Variants in CEP170B observed in about 807,000 individuals in gnomAD.
CEP170B encodes the protein centrosomal protein 170B.
Under a neutral mutation model 120.6 loss-of-function variants are expected in CEP170B, and 55 were observed. That is an observed-to-expected ratio of 0.46 (90% CI 0.37 to 0.57). CEP170B has a LOEUF of 0.57. CEP170B is among the 20% of genes least tolerant of loss of function. The pLI is 0.00. For synonymous variants in CEP170B, 1,033 were observed against 954.5 expected, an observed-to-expected ratio of 1.08 and a Z score of -1.52; for missense variants, 2,212 against 2,253.3, an observed-to-expected ratio of 0.98 and a Z score of 0.37.
At chr14:104,882,386 C>T (rs539631632) in intron 6 of CEP170B, among the ~76,000 whole-genome samples, 15 of 152,134 alleles carry the variant, frequency 9.9e-5, no homozygotes, top group East Asian at 3.9e-4. Context: ...GGTTGCAGGA[C>T]GGAGGTGGGG....
At chr14:104,893,482 C>A (rs752720350) in intron 14 of CEP170B, 41 bp from the exon 15 acceptor site, 1 of 1,575,398 alleles carries the variant, frequency 6.3e-7, no homozygotes, top group East Asian at 2.3e-5. Flanking sequence ...CTGGCAGGAG[C>A]CTCTGCCTGG....
Position 104,870,200 on chromosome 14 carries a change from G to T in CEP170B, c.105+1645G>T, listed in dbSNP as rs1007095346. Among the ~76,000 whole-genome samples, 2 of 152,232 alleles carry T rather than the reference G, an allele frequency of 1.3e-5. No individual in the cohort carries two copies. The highest frequency in any genetic ancestry group is 6.5e-5 in the Admixed American group (1 of 15,284). On this transcript the variant is annotated intron_variant, in intron 2 of 18. Transcript: ENST00000414716. This position sits in a 1 kb window ranked among gnomAD's most constrained non-coding sequence, Gnocchi z 4.1. The stretch of plus-strand genomic sequence containing the variant: ...CCGTGGTGAGGGGCAGCCAGGGAGC[G>T]AGCGTGGGCGACCGAGGTGGGCGCG...
chr14:104,872,234 C>CGTGTGTGCGT (rs1895543196), intron 2 of CEP170B, among the ~76,000 whole-genome samples: 1 of 103,992 alleles, frequency 9.6e-6, no homozygotes, highest in African/African-American at 3.9e-5. Context: ...GTGTGCCGTG[C>CGTGTGTGCGT]GTGTGTGCGT....
rs1348548561 is a variant in CEP170B, at chr14:104,891,366, GTGTT to G, written c.3879-1605_3879-1602del. The stretch of plus-strand genomic sequence containing the variant: ...GTCCCAGGACCAGGGTGGATGGCAA[GTGTT>G]TGTTGTGGAGGATGCTGAGCTTGAA... On this transcript the variant is annotated intron_variant, in intron 13 of 18. Coordinates refer to ENST00000414716, the MANE Select transcript of CEP170B (RefSeq NM_001112726.3). The surrounding 1 kb of genome is among the most constrained non-coding windows in gnomAD (Gnocchi z 4.3). Among the ~76,000 whole-genome samples, 2 of 152,078 alleles carry G rather than the reference GTGTT, an allele frequency of 1.3e-5. No homozygotes were observed. The highest frequency in any genetic ancestry group is 1.9e-4 in the East Asian group (1 of 5,190).
rs1595330099 is a variant in CEP170B at position 104,878,560 on chromosome 14, C to G, written c.333+59C>G. 3 of 1,551,058 alleles carry G rather than the reference C, an allele frequency of 1.9e-6. No homozygotes were observed. In the East Asian group the frequency reaches 6.8e-5, roughly 35 times the overall value. On this transcript the variant is annotated intron_variant, in intron 5 of 18. Transcript: ENST00000414716. ...CGAGGGCTCAGCCCCCCATCCTCCC[C>G]ACCATGCTCCCGCTGCCATCTCCCC...
At position 104,865,946 on chromosome 14, in the gene CEP170B, C is replaced by G. The variant is rs1234412392; in HGVS notation, c.-28+433C>G. Among the ~76,000 whole-genome samples the G allele has an allele frequency of 6.6e-6, 1 of 152,220 alleles. No homozygotes were observed. The highest frequency in any genetic ancestry group is 2.4e-5 in the African/African-American group (1 of 41,454). On this transcript the variant is annotated intron_variant, in intron 1 of 18. Coordinates refer to ENST00000414716, the MANE Select transcript of CEP170B (RefSeq NM_001112726.3). The surrounding 1 kb of genome is among the most constrained non-coding windows in gnomAD (Gnocchi z 6.7). The stretch of plus-strand genomic sequence containing the variant: ...CTCATTTCCCTTCGCCGCCGTCTCC[C>G]CGCTGTCCCTGCCTCTCCCGGCCTG...
chr14:104,890,989 G>A (rs61996014), intron 13 of CEP170B, among the ~76,000 whole-genome samples: 58,198 of 93,778 alleles, frequency 0.62, 21,240 homozygotes, highest in Middle Eastern at 0.86. Context: ...GGATGGATGG[G>A]TGGGTGGGTG....
chr14:104,874,853 T>C (rs1418793732), intron 2 of CEP170B, among the ~76,000 whole-genome samples: 1 of 151,756 alleles, frequency 6.6e-6, no homozygotes, highest in Non-Finnish European at 1.5e-5. Context: ...TGAGGCTGGC[T>C]CTCAGGCCTG....
intron 4 of CEP170B, among the ~76,000 whole-genome samples, 186 bp from the exon 5 acceptor site, chr14:104,878,257 G>C (rs1008037005): frequency 6.6e-6 from 1 of 152,130 alleles, no homozygotes; most frequent in Non-Finnish European, 1.5e-5. Flanking sequence ...AGGACCCCGA[G>C]TCCTGGCCCG....
At position 104,877,865 on chromosome 14, in the gene CEP170B, C is replaced by T. The variant is rs1228617642; in HGVS notation, c.196-20C>T. ...ACCCGCGCAGCTCCCCCCCCCCCCC[C>T]GCCACCTGTTTTCCTGCAGACGTTT... is the stretch of plus-strand genomic sequence containing the variant. On this transcript the variant is annotated intron_variant, in intron 3 of 18. Coordinates refer to ENST00000414716, the MANE Select transcript of CEP170B (RefSeq NM_001112726.3). The T allele has an allele frequency of 1.3e-5, 15 of 1,169,446 alleles. 2 individuals are homozygous for T. In the East Asian group the frequency reaches 1.4e-4, roughly 11 times the overall value. 72.4% of individuals were successfully genotyped at this position (1,169,446 alleles called of 1,614,324 possible).
intron 3 of CEP170B, among the ~76,000 whole-genome samples, chr14:104,877,181 C>T (rs1041347189): frequency 2.0e-5 from 3 of 152,168 alleles, no homozygotes; most frequent in Non-Finnish European, 4.4e-5. Context: ...TCCCTCCTCC[C>T]GCAGCATGCC....
At chr14:104,873,536 G>A (rs914674528) in intron 2 of CEP170B, among the ~76,000 whole-genome samples, 5 of 151,922 alleles carry the variant, frequency 3.3e-5, no homozygotes, top group African/African-American at 1.2e-4. Flanking sequence ...TGGAGCCTGT[G>A]GTGGAGAGGG....
rs1311282527 is a variant in CEP170B, at chr14:104,883,471, C to T, written c.1014C>T (p.Thr338=). The change falls in exon 8 of 19, where the codon ACC becomes ACT. Residue 338 remains threonine (T), a synonymous_variant. Coordinates refer to ENST00000414716, the MANE Select transcript of CEP170B (RefSeq NM_001112726.3). ...GCCCTGGGGATGACCGCCACAGCAC[C>T]AAGAGCGACCTGCCTGTCCACACCC... ...RVGPGDDRHS[T]KSDLPVHTRT... 8.4e-6 allele frequency: 13 copies of T among 1,556,032 alleles called. No individual in the cohort carries two copies. In the East Asian group the frequency reaches 3.2e-4, roughly 38 times the overall value.
Position 104,887,857 on chromosome 14 carries a change from C to A in CEP170B, c.3618C>A (p.Ser1206Arg). ...GCAGTGTGGAGTTGTGCTGTGCCAG[C>A]CGCAAGCCCACCATGGCCGAAGCAC... ...SGRSVELCCASRKPTMAEARA... is the reference protein window; with the variant it reads ...SGRSVELCCARRKPTMAEARA... The change falls in exon 12 of 19, where the codon AGC (serine) becomes AGA (arginine). Residue 1206 changes from serine (S) to arginine (R), a missense_variant. This residue lies in a region of CEP170B where 2,166 missense variants were observed against 2,166.7 expected (regional missense o/e 1.00). Coordinates refer to ENST00000414716, the MANE Select transcript of CEP170B (RefSeq NM_001112726.3). 6.3e-7 allele frequency: 1 copy of A among 1,578,906 alleles called. No homozygotes were observed. The highest frequency in any genetic ancestry group is 1.8e-5 in the Admixed American group (1 of 56,176).
intron 2 of CEP170B, among the ~76,000 whole-genome samples, chr14:104,871,348 C>T (rs1054703343): frequency 5.3e-5 from 8 of 152,124 alleles, no homozygotes; most frequent in East Asian, 3.9e-4. Flanking sequence ...CCGGGGTCCC[C>T]GCCAGGGTCC....
Position 104,886,758 on chromosome 14 carries a change from C to G in CEP170B, c.2519C>G (p.Ala840Gly), listed in dbSNP as rs541232618. The G allele has an allele frequency of 3.8e-5, 61 of 1,611,532 alleles. 1 individual carries two copies. In the South Asian group the frequency reaches 5.8e-4, roughly 15 times the overall value. Residue 840 changes from alanine to glycine, a missense_variant, in exon 12 of 19, where the codon GCC becomes GGC. Physicochemically the swap from Ala to Gly is moderately conservative, Grantham distance 60. This residue lies in a region of CEP170B where 2,166 missense variants were observed against 2,166.7 expected (regional missense o/e 1.00). Transcript: ENST00000414716. ...PPARDGVYVS[A>G]NGRMVIQLRP... ...GCACGGGATGGCGTCTATGTCAGTG[C>G]CAATGGGAGAATGGTCATCCAGCTA...
chr14:104,893,977 C>T (rs901093050), intron 16 of CEP170B, 128 bp downstream of exon 16: 2 of 888,558 alleles, frequency 2.3e-6, no homozygotes, highest in Non-Finnish European at 1.8e-6. Flanking sequence ...GTGGAGCAGC[C>T]CTCCCGTGTG....
At chr14:104,882,659 T>G in intron 6 of CEP170B, 69 bp from the exon 7 acceptor site, 1 of 1,294,496 alleles carries the variant, frequency 7.7e-7, no homozygotes, top group Non-Finnish European at 1.1e-6. Context: ...TCTCCTGGGC[T>G]GCCAGTTCTC....
intron 5 of CEP170B, among the ~76,000 whole-genome samples, chr14:104,879,523 C>T (rs1031806960): frequency 1.2e-4 from 18 of 152,118 alleles, no homozygotes; most frequent in Non-Finnish European, 2.2e-4. Flanking sequence ...ACGACCAAGG[C>T]CCCCCGAGTT....
Sources: gnomAD v4.1 joint callset for allele counts (sites outside exome capture counted in the v4.1 genomes callset) on GRCh38, gnomAD v4.1.1 for gene constraint, gnomAD v4.1.1 regional missense constraint, Gnocchi (gnomAD v3.1) non-coding constraint, MANE v1.5 for transcripts, NCBI Gene and HGNC (gene_info 2026-07-23, HGNC 2026-07-21) for gene names.